VPS53: variants seen among roughly 807,000 people sequenced by gnomAD.
The protein encoded by VPS53 is VPS53 subunit of GARP complex, also known as vacuolar protein sorting-associated protein 53 homolog.
Under a neutral mutation model 107.0 loss-of-function variants are expected in VPS53, and 70 were observed. That is an observed-to-expected ratio of 0.65 (90% CI 0.54 to 0.80). The LOEUF is 0.80. VPS53 is among the 30% of genes least tolerant of loss of function. The pLI is 0.00. For missense variants in VPS53, 917 were observed against 1,049.4 expected, an observed-to-expected ratio of 0.87 and a Z score of 1.74; for synonymous variants, 409 against 393.3, an observed-to-expected ratio of 1.04 and a Z score of -0.47.
intron 11 of VPS53, among the ~76,000 whole-genome samples, chr17:610,626 G>A (rs530827596): frequency 1.3e-5 from 2 of 152,026 alleles, no homozygotes; most frequent in Admixed American, 1.3e-4. Context: ...ATCTAAAGAA[G>A]TTATAAAGCC....
At chr17:656,694 T>G in intron 5 of VPS53, 1 of 559,992 alleles carries the variant, frequency 1.8e-6, no homozygotes, top group South Asian at 2.1e-5. Flanking sequence ...CCATGCTGAC[T>G]AAGAAATGTG....
intron 12 of VPS53, among the ~76,000 whole-genome samples, chr17:601,352 C>T (rs1481046782): frequency 6.6e-6 from 1 of 152,212 alleles, no homozygotes; most frequent in African/African-American, 2.4e-5. Flanking sequence ...CCAGGCCTCC[C>T]CAATGGCTTC....
Position 524,549 on chromosome 17 carries a change from C to T in VPS53, c.2086-2811G>A, listed in dbSNP as rs1383308093. On this transcript the variant is annotated intron_variant, in intron 19 of 21. Coordinates refer to ENST00000437048, the MANE Select transcript of VPS53 (RefSeq NM_001128159.3). The surrounding 1 kb of genome is among the most constrained non-coding windows in gnomAD (Gnocchi z 4.5). ...AAAGCACAAACTATCCCAACAGCGA[C>T]ACAACAACAGGCAAACAATACTAAC... 6.6e-6 allele frequency among the ~76,000 whole-genome samples: 1 copy of T among 152,194 alleles called. No individual in the cohort carries two copies. The highest frequency in any genetic ancestry group is 1.5e-5 in the Non-Finnish European group (1 of 68,042).
In VPS53 at chr17:628,025, G is replaced by C. The variant is rs965456982; in HGVS notation, c.831+63C>G. ...ATACGAGGTCTAAATTAGTAGGCTT[G>C]ACAGCACTCATGTTTCAATAAAATT... On this transcript the variant is annotated intron_variant, in intron 9 of 21. Transcript: ENST00000437048. The C allele has an allele frequency of 1.2e-5, 18 of 1,516,308 alleles. 1 individual carries two copies. In the Admixed American group the frequency reaches 2.9e-4, roughly 25 times the overall value. The allele number at this position is 1,516,308 out of a possible 1,614,324, so 93.9% of individuals were successfully genotyped here. A position where few individuals can be genotyped will look rare whatever the true frequency, so the allele number is the denominator to read the frequency against.
chr17:531,384 G>A (rs1909523480), intron 19 of VPS53, among the ~76,000 whole-genome samples: 2 of 152,196 alleles, frequency 1.3e-5, no homozygotes, highest in African/African-American at 2.4e-5. Context: ...AGTAAACATA[G>A]GATGTTGGCT....
rs187313550 is a variant in VPS53, at chr17:669,382, G to T, written c.286-7487C>A. On this transcript the variant is annotated intron_variant, in intron 4 of 21. Transcript: ENST00000437048. The stretch of plus-strand genomic sequence containing the variant: ...CTGACGGTGGATTACTTGAGGCCAG[G>T]AGTTCAAGACCAGTCTGACCAACAT... Among the ~76,000 whole-genome samples, 150 of 152,120 alleles carry T rather than the reference G, an allele frequency of 9.9e-4. 1 individual carries two copies. Among genetic ancestry groups the T allele is most frequent in the African/African-American group, 3.4e-3 (140 of 41,514 alleles).
intron 19 of VPS53, among the ~76,000 whole-genome samples, chr17:528,207 C>T (rs1909264091): frequency 6.6e-6 from 1 of 152,222 alleles, no homozygotes. Flanking sequence ...GGTTTCAGAA[C>T]ACATTATCAC....
intron 19 of VPS53, among the ~76,000 whole-genome samples, chr17:529,422 A>ACC (rs56091983): frequency 1.4e-5 from 2 of 148,114 alleles, no homozygotes; most frequent in South Asian, 2.1e-4. Context: ...ACACACACAC[A>ACC]CCCCTGCTGG....
At chr17:566,221 A>G (rs558426152) in intron 13 of VPS53, among the ~76,000 whole-genome samples, 119 of 151,768 alleles carry the variant, frequency 7.8e-4, no homozygotes, top group African/African-American at 2.8e-3. Flanking sequence ...AAAAAAAAAA[A>G]AGAAAGAAAT....
At chr17:550,216 A>G (rs376052498) in intron 17 of VPS53, among the ~76,000 whole-genome samples, 16 of 152,302 alleles carry the variant, frequency 1.1e-4, no homozygotes, top group African/African-American at 3.4e-4. Flanking sequence ...CATTTGCTCA[A>G]CACCCCAAAG....
intron 7 of VPS53, 92 bp from the exon 8 acceptor site, chr17:631,720 GA>G: frequency 8.3e-7 from 1 of 1,203,780 alleles, no homozygotes; most frequent in Non-Finnish European, 1.2e-6. Flanking sequence ...GAAGTCTTTC[GA>G]GAAAGGCCAG....
intron 13 of VPS53, among the ~76,000 whole-genome samples, chr17:581,807 G>T (rs948255486): frequency 6.8e-6 from 1 of 147,250 alleles, no homozygotes. Context: ...AACCTACTGC[G>T]TTCCCAGAGA....
At chr17:533,893 A>ACAGTGGCACCATCTTGGCTCACTGCAAC (rs1909805446) in intron 18 of VPS53, among the ~76,000 whole-genome samples, 3 of 151,816 alleles carry the variant, frequency 2.0e-5, no homozygotes, top group Middle Eastern at 3.4e-3. Context: ...AGGCTGGAGT[A>ACAGTGGCACCATCTTGGCTCACTGCAAC]CAGTGGCACC....
At chr17:530,070 G>A (rs375304801) in intron 19 of VPS53, among the ~76,000 whole-genome samples, 7 of 148,860 alleles carry the variant, frequency 4.7e-5, no homozygotes, top group African/African-American at 1.7e-4. Context: ...TTTTTAAATT[G>A]TTTGCTGCTG....
intron 10 of VPS53, 104 bp downstream of exon 10, chr17:627,070 G>A: frequency 1.0e-5 from 15 of 1,439,294 alleles, no homozygotes; most frequent in Non-Finnish European, 1.4e-5. Context: ...GGTGGGGTCT[G>A]GAAGTGGCAT....
chr17:615,001 G>A (rs973572788), intron 11 of VPS53, among the ~76,000 whole-genome samples: 3 of 152,156 alleles, frequency 2.0e-5, no homozygotes, highest in Non-Finnish European at 4.4e-5. Flanking sequence ...AAGCTAATCC[G>A]ATCTAGTCTG....
At chr17:682,925 T>C (rs552567135) in intron 4 of VPS53, among the ~76,000 whole-genome samples, 2 of 151,194 alleles carry the variant, frequency 1.3e-5, no homozygotes. Flanking sequence ...GAAAAGGTGT[T>C]TTACCTGCAC....
intron 1 of VPS53, among the ~76,000 whole-genome samples, chr17:710,893 C>T (rs941227725): frequency 2.0e-5 from 3 of 151,010 alleles, no homozygotes; most frequent in Non-Finnish European, 3.0e-5. Flanking sequence ...TACAGTGAGC[C>T]GAGATCACAC....
Position 519,817 on chromosome 17 carries a change from G to A in VPS53, c.2328+9C>T, listed in dbSNP as rs373173577. 98 of 1,545,690 alleles carry A rather than the reference G, an allele frequency of 6.3e-5. No homozygotes were observed. The highest frequency in any genetic ancestry group is 7.4e-5 in the Non-Finnish European group (84 of 1,141,630). ...TGAGCAGGTGTGGACCAAATGTCCCGGCACAAACCTTCATGTCCAGTATCT... is the reference window on the plus strand; with the variant it reads ...TGAGCAGGTGTGGACCAAATGTCCCAGCACAAACCTTCATGTCCAGTATCT... On this transcript the variant is annotated intron_variant, in intron 21 of 21. Coordinates refer to ENST00000437048, the MANE Select transcript of VPS53 (RefSeq NM_001128159.3). This position sits in a 1 kb window ranked among gnomAD's most constrained non-coding sequence, Gnocchi z 5.0.
Sources: allele counts gnomAD v4.1 joint callset (sites outside exome capture counted in the v4.1 genomes callset), GRCh38; gene constraint gnomAD v4.1.1; non-coding constraint Gnocchi (gnomAD v3.1); transcripts MANE v1.5; gene names NCBI Gene and HGNC (gene_info 2026-07-23, HGNC 2026-07-21).